The following SPDYC variants were observed in gnomAD, a reference collection of about 807,000 sequenced individuals.
The protein encoded by SPDYC is speedy/RINGO cell cycle regulator family member C.
SPDYC carries 25 observed loss-of-function variants against 33.9 expected under a neutral mutation model. The ratio of observed to expected loss-of-function variants is 0.74; its 90% CI spans 0.54 to 1.03. SPDYC has a LOEUF of 1.03. SPDYC is among the 50% of genes least tolerant of loss of function. SPDYC has a pLI of 0.00. For synonymous variants in SPDYC, 133 were observed against 140.2 expected (o/e 0.95, Z 0.36); for missense variants, 349 against 382.9 (o/e 0.91, Z 0.74).
intron 2 of SPDYC, 111 bp downstream of exon 2, chr11:65,171,610 C>CCTCTCA: frequency 7.9e-7 from 1 of 1,266,022 alleles, no homozygotes; most frequent in African/African-American, 1.5e-5. Flanking sequence ...TGACCCTCTC[C>CCTCTCA]CTCTCAGGTA....
At position 65,170,265 on chromosome 11, in the gene SPDYC, A is replaced by C; in HGVS notation, c.26+4A>C. ...TCTGGGCCATTCCTGAGCTCGGGTAAGGCTCGCTGCAGGAGGAGGCTGGGT... is the reference window on the plus strand; with the variant it reads ...TCTGGGCCATTCCTGAGCTCGGGTACGGCTCGCTGCAGGAGGAGGCTGGGT... On this transcript the variant is annotated splice_donor_region_variant and intron_variant, in intron 1 of 6. Coordinates refer to ENST00000377185, the Ensembl canonical transcript of SPDYC. 1.3e-6 allele frequency: 2 copies of C among 1,580,392 alleles called. No homozygotes were observed. The highest frequency in any genetic ancestry group is 1.7e-6 in the Non-Finnish European group (2 of 1,161,796).
intron 3 of SPDYC, 111 bp from the exon 4 acceptor site, chr11:65,172,135 T>A: frequency 1.3e-6 from 2 of 1,511,074 alleles, no homozygotes; most frequent in East Asian, 4.5e-5. Flanking sequence ...TCCCACCATT[T>A]TACTGACTTT....
chr11:65,171,388 C>T (rs774089248), exon 2 of SPDYC: 1 of 1,611,096 alleles, frequency 6.2e-7, no homozygotes, highest in Non-Finnish European at 8.5e-7. Context: ...CACCACTTCC[C>T]CTGTAGTTAC....
At position 65,170,268 on chromosome 11, in the gene SPDYC, C is replaced by G. The variant is rs914979630; in HGVS notation, c.26+7C>G. The G allele has an allele frequency of 2.5e-6, 4 of 1,579,860 alleles. No homozygotes were observed. Among genetic ancestry groups the G allele is most frequent in the Non-Finnish European group, 3.4e-6 (4 of 1,161,650 alleles). ...GGGCCATTCCTGAGCTCGGGTAAGGCTCGCTGCAGGAGGAGGCTGGGTTGC... is the reference window on the plus strand; with the variant it reads ...GGGCCATTCCTGAGCTCGGGTAAGGGTCGCTGCAGGAGGAGGCTGGGTTGC... On this transcript the variant is annotated splice_region_variant and intron_variant, in intron 1 of 6. Coordinates refer to ENST00000377185, the Ensembl canonical transcript of SPDYC.
chr11:65,171,296 A>G (rs371935422), intron 1 of SPDYC, 31 bp from the exon 2 acceptor site: 2 of 1,584,754 alleles, frequency 1.3e-6, no homozygotes, highest in African/African-American at 1.4e-5. Context: ...ACGGGGGTAC[A>G]TGCTAAGTCC....
exon 5 of SPDYC, chr11:65,172,509 T>C: frequency 6.3e-7 from 1 of 1,582,020 alleles, no homozygotes; most frequent in East Asian, 2.2e-5. Flanking sequence ...TGGGAAAAGA[T>C]TGGTGTTTAC....
chr11:65,171,620 A>G (rs1164761339), intron 2 of SPDYC, 121 bp downstream of exon 2: 3 of 1,216,380 alleles, frequency 2.5e-6, no homozygotes, highest in Non-Finnish European at 2.2e-6. Context: ...CCTCTCAGGT[A>G]TCCCAGCTTA....
At chr11:65,171,211 C>G (rs778521217) in intron 1 of SPDYC, 116 bp from the exon 2 acceptor site, 62 of 1,167,048 alleles carry the variant, frequency 5.3e-5, no homozygotes, top group Non-Finnish European at 7.3e-5. Context: ...GCCTTCTGTT[C>G]TGAGCCCCCA....
intron 1 of SPDYC, 79 bp from the exon 2 acceptor site, chr11:65,171,248 C>A: frequency 6.7e-7 from 1 of 1,502,838 alleles, no homozygotes; most frequent in Non-Finnish European, 9.0e-7. Flanking sequence ...CCTCCACCGT[C>A]CTGGCCCCTG....
chr11:65,171,914 G>A, intron 2 of SPDYC, 29 bp from the exon 3 acceptor site: 6 of 1,610,666 alleles, frequency 3.7e-6, no homozygotes, highest in Non-Finnish European at 5.1e-6. Context: ...GTGGTAACCT[G>A]CGTCCTGTCA....
intron 6 of SPDYC, 84 bp downstream of exon 6, chr11:65,173,098 G>A (rs1948458820): frequency 1.9e-6 from 3 of 1,597,968 alleles, no homozygotes; most frequent in African/African-American, 1.3e-5. Context: ...GAGAGAGAGG[G>A]CCATGGGCCT....
chr11:65,171,680 C>T (rs1380192628), intron 2 of SPDYC, among the ~76,000 whole-genome samples, 181 bp downstream of exon 2: 2 of 152,078 alleles, frequency 1.3e-5, no homozygotes, highest in African/African-American at 4.8e-5. Context: ...GGCCAGGCAC[C>T]GTGAGTCATA....
intron 1 of SPDYC, among the ~76,000 whole-genome samples, chr11:65,170,830 C>A (rs1344213456): frequency 6.6e-6 from 1 of 152,126 alleles, no homozygotes. Flanking sequence ...TTGCAGTGAG[C>A]CGAGATCGCG....
chr11:65,171,197 G>T, intron 1 of SPDYC, 130 bp from the exon 2 acceptor site: 1 of 983,020 alleles, frequency 1.0e-6, no homozygotes, highest in Non-Finnish European at 1.4e-6. Flanking sequence ...GTTGCATCCC[G>T]GCTGCCTTCT....
intron 1 of SPDYC, 46 bp from the exon 2 acceptor site, chr11:65,171,281 G>T: frequency 2.6e-6 from 4 of 1,561,046 alleles, no homozygotes; most frequent in Non-Finnish European, 3.5e-6. Flanking sequence ...TGATTTGTGA[G>T]CATCACGGGG....
intron 1 of SPDYC, among the ~76,000 whole-genome samples, chr11:65,170,482 AG>A (rs1311489460): frequency 6.6e-6 from 1 of 152,052 alleles, no homozygotes; most frequent in African/African-American, 2.4e-5. Context: ...TTCCTCCCTG[AG>A]GGCCTCAGTT....
chr11:65,171,854 T>C, intron 2 of SPDYC, 89 bp from the exon 3 acceptor site: 1 of 1,120,946 alleles, frequency 8.9e-7, no homozygotes, highest in Middle Eastern at 2.0e-4. Context: ...GAGGGTTCAG[T>C]GGTGGCTTGG....
exon 2 of SPDYC, chr11:65,171,338 C>T (rs748697302): frequency 3.1e-6 from 5 of 1,609,566 alleles, no homozygotes; most frequent in Non-Finnish European, 4.2e-6. Context: ...TCACCCTGCC[C>T]CATCTCCATC....
At chr11:65,171,675 G>C (rs887259181) in intron 2 of SPDYC, among the ~76,000 whole-genome samples, 176 bp downstream of exon 2, 28 of 152,300 alleles carry the variant, frequency 1.8e-4, no homozygotes, top group African/African-American at 6.7e-4. Context: ...TTCAGGGCCA[G>C]GCACCGTGAG....
Sources: allele counts gnomAD v4.1 joint callset (sites outside exome capture counted in the v4.1 genomes callset), GRCh38; gene constraint gnomAD v4.1.1; transcripts MANE v1.5; gene names NCBI Gene and HGNC (gene_info 2026-07-23, HGNC 2026-07-21).